The following EPHA3 variants were observed in gnomAD, a reference collection of about 807,000 sequenced individuals.
EPHA3 encodes EPH receptor A3.
EPHA3 carries 42 observed loss-of-function variants against 107.1 expected under a neutral mutation model. That is an observed-to-expected ratio of 0.39 (90% CI 0.31 to 0.51). EPHA3 has a LOEUF of 0.51. EPHA3 is among the 20% of genes least tolerant of loss of function. The probability of loss-of-function intolerance (pLI) is 0.78; values close to 1 mark genes in which losing one functional copy is unlikely to be tolerated. For missense variants in EPHA3, 1,183 were observed against 1,211.2 expected (o/e 0.98, Z 0.35); for synonymous variants, 461 against 424.8 (o/e 1.09, Z -1.05).
intron 2 of EPHA3, among the ~76,000 whole-genome samples, chr3:89,163,578 G>C (rs1048689828): frequency 6.6e-5 from 10 of 152,122 alleles, no homozygotes; most frequent in African/African-American, 2.4e-4. Flanking sequence ...AATATCCAAT[G>C]TATACTTCTA....
intron 15 of EPHA3, among the ~76,000 whole-genome samples, chr3:89,470,659 C>T (rs1413761131): frequency 6.6e-6 from 1 of 152,086 alleles, no homozygotes; most frequent in African/African-American, 2.4e-5. Context: ...ATCGAATATG[C>T]CACATGATGG....
At chr3:89,421,501 C>A (rs746531471) in intron 11 of EPHA3, among the ~76,000 whole-genome samples, 2 of 151,096 alleles carry the variant, frequency 1.3e-5, no homozygotes, top group Admixed American at 6.6e-5. Flanking sequence ...AAAATGATTA[C>A]TTTTTAGCTT....
At chr3:89,231,442 A>C (rs1328164183) in intron 3 of EPHA3, among the ~76,000 whole-genome samples, 8 of 152,232 alleles carry the variant, frequency 5.3e-5, no homozygotes, top group African/African-American at 1.9e-4. Flanking sequence ...ATTTAGAGAG[A>C]AAGCAATTTG....
At chr3:89,232,253 G>A (rs1482270371) in intron 3 of EPHA3, among the ~76,000 whole-genome samples, 1 of 152,086 alleles carries the variant, frequency 6.6e-6, no homozygotes, top group Non-Finnish European at 1.5e-5. Flanking sequence ...TTTAAAGAAT[G>A]AAGAGCAAAA....
intron 15 of EPHA3, among the ~76,000 whole-genome samples, chr3:89,460,971 C>A (rs1339131103): frequency 8.4e-6 from 1 of 119,414 alleles, no homozygotes; most frequent in African/African-American, 3.3e-5. Context: ...TGCTATCCCT[C>A]CCCCCTCCCC....
chr3:89,108,593 C>T (rs1427752355), intron 1 of EPHA3, among the ~76,000 whole-genome samples: 1 of 152,144 alleles, frequency 6.6e-6, no homozygotes, highest in Non-Finnish European at 1.5e-5. Flanking sequence ...AGAGAATGTT[C>T]ATATGCAGCA....
intron 3 of EPHA3, among the ~76,000 whole-genome samples, chr3:89,211,719 C>A (rs1407470503): frequency 2.1e-5 from 3 of 143,722 alleles, no homozygotes; most frequent in Non-Finnish European, 1.5e-5. Flanking sequence ...TCTTCCTCTT[C>A]TTCTTTTTCT....
intron 1 of EPHA3, among the ~76,000 whole-genome samples, chr3:89,116,505 T>G (rs530951983): frequency 6.6e-6 from 1 of 152,118 alleles, no homozygotes; most frequent in African/African-American, 2.4e-5. Context: ...ACTCCTGCCA[T>G]TGAGAAAAGG....
chr3:89,475,980 G>T (rs1201955801), intron 16 of EPHA3, among the ~76,000 whole-genome samples: 1 of 151,936 alleles, frequency 6.6e-6, no homozygotes, highest in African/African-American at 2.4e-5. Context: ...AGACTAGAGG[G>T]TGTTTAAAAG....
intron 1 of EPHA3, among the ~76,000 whole-genome samples, chr3:89,111,175 A>C (rs1330122924): frequency 6.6e-6 from 1 of 152,108 alleles, no homozygotes; most frequent in East Asian, 1.9e-4. Context: ...CAATTGTTTA[A>C]AACTTAAAAG....
intron 1 of EPHA3, among the ~76,000 whole-genome samples, chr3:89,113,485 CAAAAAA>C (rs753848304): frequency 3.5e-3 from 108 of 31,076 alleles, no homozygotes; most frequent in Middle Eastern, 0.033. Flanking sequence ...TTCCTTTGTA[CAAAAAA>C]AAAAAAAAAA....
At chr3:89,141,111 G>A (rs947652667) in intron 2 of EPHA3, among the ~76,000 whole-genome samples, 3 of 151,498 alleles carry the variant, frequency 2.0e-5, no homozygotes, top group South Asian at 2.1e-4. Flanking sequence ...CCCATAAAAT[G>A]CACGTCACCA....
intron 6 of EPHA3, among the ~76,000 whole-genome samples, chr3:89,397,923 T>C (rs1433130463): frequency 1.3e-5 from 2 of 152,212 alleles, no homozygotes; most frequent in Admixed American, 1.3e-4. Flanking sequence ...GAAAAAATGG[T>C]CAAATCTATT....
At chr3:89,226,439 A>G (rs1704505479) in intron 3 of EPHA3, among the ~76,000 whole-genome samples, 1 of 152,154 alleles carries the variant, frequency 6.6e-6, no homozygotes, top group African/African-American at 2.4e-5. Context: ...TTTTTCCTAA[A>G]CGTTCCAGGA....
chr3:89,205,867 A>G (rs1164095391), intron 2 of EPHA3, among the ~76,000 whole-genome samples: 1 of 152,010 alleles, frequency 6.6e-6, no homozygotes, highest in Admixed American at 6.6e-5. Context: ...GATAAAATAT[A>G]ATGATAATAT....
chr3:89,388,070 ATTACTT>A, intron 5 of EPHA3, among the ~76,000 whole-genome samples: 1 of 152,320 alleles, frequency 6.6e-6, no homozygotes, highest in East Asian at 1.9e-4. Flanking sequence ...TATTGAGAAA[ATTACTT>A]TTCTTTTTAC....
At chr3:89,446,216 A>G (rs1421894889) in intron 13 of EPHA3, among the ~76,000 whole-genome samples, 1 of 152,208 alleles carries the variant, frequency 6.6e-6, no homozygotes, top group African/African-American at 2.4e-5. Flanking sequence ...GTATTTCATT[A>G]GAGAACATAC....
intron 3 of EPHA3, among the ~76,000 whole-genome samples, chr3:89,228,992 A>G (rs922760456): frequency 1.3e-5 from 2 of 151,954 alleles, no homozygotes; most frequent in African/African-American, 4.8e-5. Context: ...GTTTAAGCCG[A>G]AGCTCTTAAG....
intron 3 of EPHA3, among the ~76,000 whole-genome samples, chr3:89,236,069 ATTTGT>A (rs1463434928): frequency 6.6e-6 from 1 of 152,032 alleles, no homozygotes; most frequent in Non-Finnish European, 1.5e-5. Flanking sequence ...GAATATATAC[ATTTGT>A]TTATTTTAGA....
Sources: allele counts gnomAD v4.1 joint callset (sites outside exome capture counted in the v4.1 genomes callset), GRCh38; gene constraint gnomAD v4.1.1; transcripts MANE v1.5; gene names NCBI Gene and HGNC (gene_info 2026-07-23, HGNC 2026-07-21).